The following TBC1D16 variants were observed in gnomAD, a reference collection of about 807,000 sequenced individuals.
The protein encoded by TBC1D16 is TBC1 domain family member 16, also known as CTD-2529O21.1.
In TBC1D16, 58 loss-of-function variants were observed where a neutral mutation model predicts 74.7. The ratio of observed to expected loss-of-function variants is 0.78; its 90% CI spans 0.63 to 0.97. The LOEUF is 0.97. Among genes scored for constraint, TBC1D16 ranks in the 50% least tolerant of loss-of-function variants. The pLI, the probability that TBC1D16 is intolerant of heterozygous loss-of-function variation, is 0.00. For synonymous variants in TBC1D16, 493 were observed against 474.7 expected, an observed-to-expected ratio of 1.04 and a Z score of -0.50; for missense variants, 1,014 against 1,079.5, an observed-to-expected ratio of 0.94 and a Z score of 0.85.
intron 3 of TBC1D16, among the ~76,000 whole-genome samples, chr17:79,970,765 CAG>C (rs1421146580): frequency 6.6e-6 from 1 of 152,168 alleles, no homozygotes; most frequent in African/African-American, 2.4e-5. Flanking sequence ...GAAGAGCTAG[CAG>C]AGAGCCCAGG....
In TBC1D16 at chr17:79,999,274, T is replaced by G. The variant is rs533387807; in HGVS notation, c.779+10886A>C. Among the ~76,000 whole-genome samples the G allele has an allele frequency of 3.3e-4, 50 of 151,312 alleles. No homozygotes were observed. The East Asian group carries it at 9.7e-3, about 29-fold the overall frequency. Reference sequence around the variant, plus strand: ...CTGTCTCAAAAAAAAAAAAAATTAATGGAACACAGCCATGCCAATTAACAT... The same window carrying G: ...CTGTCTCAAAAAAAAAAAAAATTAAGGGAACACAGCCATGCCAATTAACAT... On this transcript the variant is annotated intron_variant, in intron 3 of 11. Coordinates refer to ENST00000310924, the MANE Select transcript of TBC1D16 (RefSeq NM_019020.4).
chr17:79,970,285 G>A (rs1236714211), intron 3 of TBC1D16, among the ~76,000 whole-genome samples: 1 of 152,200 alleles, frequency 6.6e-6, no homozygotes, highest in Non-Finnish European at 1.5e-5. Context: ...GGGAAGGAAG[G>A]GCTGGGCTGT....
At position 80,010,504 on chromosome 17, in the gene TBC1D16, G is replaced by A. The variant is rs368593678; in HGVS notation, c.435C>T (p.Ala145=). The A allele has an allele frequency of 3.2e-5, 52 of 1,610,934 alleles. No individual in the cohort carries two copies. The highest frequency in any genetic ancestry group is 3.1e-5 in the Non-Finnish European group (37 of 1,178,908). ...CGAGCATGCGGTCTGGAACACTCTG[G>A]GCCACCACCAGGATGTCCTCATCTT... is the stretch of plus-strand genomic sequence containing the variant. ...TPKDEDILVV[A]QSVPDRMLAS... The change falls in exon 3 of 12, where the codon GCC becomes GCT. Residue 145 remains alanine (A), a synonymous_variant. Coordinates refer to ENST00000310924, the MANE Select transcript of TBC1D16 (RefSeq NM_019020.4). This position sits in a 1 kb window ranked among gnomAD's most constrained non-coding sequence, Gnocchi z 8.8.
rs1177794785 is a variant in TBC1D16, at chr17:79,949,101, C to T, written c.1407-95G>A. On this transcript the variant is annotated intron_variant, in intron 7 of 11. Coordinates refer to ENST00000310924, the MANE Select transcript of TBC1D16 (RefSeq NM_019020.4). ...GCAGGAAGCCACCCTTCCTCCCAAC[C>T]CCCGTTCCCTGGACGGGAGCTGGGC... 6 of 1,543,196 alleles carry T rather than the reference C, an allele frequency of 3.9e-6. No individual in the cohort carries two copies. In the African/African-American group the frequency reaches 8.1e-5, roughly 21 times the overall value.
At chr17:79,991,710 G>C (rs1399253431) in intron 3 of TBC1D16, among the ~76,000 whole-genome samples, 3 of 148,686 alleles carry the variant, frequency 2.0e-5, no homozygotes, top group African/African-American at 4.9e-5. Context: ...GGGTGGGGCG[G>C]GGCGGGGCGG....
Position 79,941,734 on chromosome 17 carries a change from A to AC in TBC1D16, c.2055+325dup, listed in dbSNP as rs540191725. On this transcript the variant is annotated intron_variant, in intron 11 of 11. Coordinates refer to ENST00000310924, the MANE Select transcript of TBC1D16 (RefSeq NM_019020.4). This position sits in a 1 kb window ranked among gnomAD's most constrained non-coding sequence, Gnocchi z 4.3. ...CCCAGTTCTGGGTTGTAAGCGAGGT[A>AC]CCCCAGGGTAGGGAACCTGTCCTGT... Among the ~76,000 whole-genome samples the AC allele has an allele frequency of 1.4e-4, 21 of 152,264 alleles. No homozygotes were observed. In the South Asian group the frequency reaches 4.4e-3, roughly 32 times the overall value.
In TBC1D16 at chr17:79,936,919, T is replaced by TGC. The variant is rs749971357; in HGVS notation, c.*3939_*3940insGC. The TGC allele has an allele frequency of 3.0e-4, 45 of 150,866 alleles. No homozygotes were observed. Among genetic ancestry groups the TGC allele is most frequent in the Non-Finnish European group, 5.7e-4 (39 of 68,500 alleles). The allele number at this position is 150,866 out of a possible 1,614,324, so 9.3% of individuals were successfully genotyped here. A position where few individuals can be genotyped will look rare whatever the true frequency, so the allele number is the denominator to read the frequency against. On this transcript the variant is annotated 3_prime_UTR_variant, in exon 12 of 12. Coordinates refer to ENST00000310924, the MANE Select transcript of TBC1D16 (RefSeq NM_019020.4). ...GCGTGTGTGCATGTGCGTGTGTGTG[T>TGC]GTGTGTGTGTGTGTGTGTGTGCGCA...
chr17:79,964,601 T>C (rs2033765470), intron 3 of TBC1D16, among the ~76,000 whole-genome samples: 1 of 152,216 alleles, frequency 6.6e-6, no homozygotes, highest in Non-Finnish European at 1.5e-5. Flanking sequence ...GTGTATATTA[T>C]GTCCAAACTG....
rs2035174225 is a variant in TBC1D16, at chr17:79,993,999, T to A, written c.779+16161A>T. On this transcript the variant is annotated intron_variant, in intron 3 of 11. Transcript: ENST00000310924. This position sits in a 1 kb window ranked among gnomAD's most constrained non-coding sequence, Gnocchi z 5.1. Reference sequence around the variant, plus strand: ...TCATTTCCCTGACCTTGGACAGCCCTCCTGATGCAGGGAGCGCCCATCCCT... The same window carrying A: ...TCATTTCCCTGACCTTGGACAGCCCACCTGATGCAGGGAGCGCCCATCCCT... Among the ~76,000 whole-genome samples the A allele has an allele frequency of 6.6e-6, 1 of 152,112 alleles. No homozygotes were observed. The highest frequency in any genetic ancestry group is 6.5e-5 in the Admixed American group (1 of 15,276).
chr17:80,025,572 G>A (rs891645940), intron 1 of TBC1D16, among the ~76,000 whole-genome samples: 1 of 149,018 alleles, frequency 6.7e-6, no homozygotes, highest in Non-Finnish European at 1.5e-5. Flanking sequence ...CCCGCCTGCT[G>A]GGAGCAGCCG....
rs1232969168 is a variant in TBC1D16, at chr17:79,980,456, C to T, written c.780-27638G>A. Among the ~76,000 whole-genome samples, 2 of 152,252 alleles carry T rather than the reference C, an allele frequency of 1.3e-5. No individual in the cohort carries two copies. The highest frequency in any genetic ancestry group is 2.4e-5 in the African/African-American group (1 of 41,538). ...CATGCAGTGGGAGTCTGGGCCGCTA[C>T]GTTGTGGGGTGGTGTAACCAGGGTT... On this transcript the variant is annotated intron_variant, in intron 3 of 11. Coordinates refer to ENST00000310924, the MANE Select transcript of TBC1D16 (RefSeq NM_019020.4). The surrounding 1 kb of genome is among the most constrained non-coding windows in gnomAD (Gnocchi z 7.0).
rs117139626 is a variant in TBC1D16 at position 80,009,742 on chromosome 17, C to G, written c.779+418G>C. 1.3e-5 allele frequency among the ~76,000 whole-genome samples: 2 copies of G among 152,188 alleles called. No individual in the cohort carries two copies. The highest frequency in any genetic ancestry group is 4.1e-4 in the South Asian group (2 of 4,830). On this transcript the variant is annotated intron_variant, in intron 3 of 11. Transcript: ENST00000310924. This position sits in a 1 kb window ranked among gnomAD's most constrained non-coding sequence, Gnocchi z 5.4. ...CATCTGGGCTTGGGCCAGCCCTGTG[C>G]GTGAGCCTAATGATGCCACCCGGGC...
intron 3 of TBC1D16, among the ~76,000 whole-genome samples, chr17:80,006,189 GCT>G (rs960249842): frequency 2.2e-4 from 34 of 151,652 alleles, no homozygotes; most frequent in African/African-American, 7.0e-4. Context: ...GAGCGCTCTC[GCT>G]CTCTCTCGCT....
At position 80,007,053 on chromosome 17, in the gene TBC1D16, G is replaced by A. The variant is rs560782880; in HGVS notation, c.779+3107C>T. Among the ~76,000 whole-genome samples the A allele has an allele frequency of 1.7e-4, 26 of 152,348 alleles. No individual in the cohort carries two copies. The highest frequency in any genetic ancestry group is 6.0e-4 in the African/African-American group (25 of 41,580). On this transcript the variant is annotated intron_variant, in intron 3 of 11. Coordinates refer to ENST00000310924, the MANE Select transcript of TBC1D16 (RefSeq NM_019020.4). The surrounding 1 kb of genome is among the most constrained non-coding windows in gnomAD (Gnocchi z 4.5). Reference sequence around the variant, plus strand: ...ACTCCAGCCTTGCACTGAAGCACACGCTTCTGGCGGGGTGGGGAGAGTCCC... The same window carrying A: ...ACTCCAGCCTTGCACTGAAGCACACACTTCTGGCGGGGTGGGGAGAGTCCC...
At chr17:80,005,998 G>A (rs4889811) in intron 3 of TBC1D16, among the ~76,000 whole-genome samples, 24,576 of 152,020 alleles carry the variant, frequency 0.16, 2,214 homozygotes, top group Non-Finnish European at 0.21. Context: ...GGGGACCCTC[G>A]AGCCAGCCTA....
intron 10 of TBC1D16, among the ~76,000 whole-genome samples, chr17:79,942,684 G>A (rs979893988): frequency 3.9e-5 from 6 of 152,276 alleles, no homozygotes; most frequent in South Asian, 4.1e-4. Flanking sequence ...AGCCACCCAC[G>A]GGTCAGCCTG....
chr17:79,958,798 G>A (rs191185097), intron 3 of TBC1D16, among the ~76,000 whole-genome samples: 1 of 152,192 alleles, frequency 6.6e-6, no homozygotes, highest in East Asian at 1.9e-4. Context: ...ATACTGAATG[G>A]TAAAAGATGG....
chr17:79,952,282 G>A lies in TBC1D16; in HGVS notation c.941+375C>T, dbSNP rs376292495. The stretch of plus-strand genomic sequence containing the variant: ...CACGAAAGGAAGGGAGCCTCCATCC[G>A]GAAAGCTGCGGCCCGTCCCGCACAG... On this transcript the variant is annotated intron_variant, in intron 4 of 11. Coordinates refer to ENST00000310924, the MANE Select transcript of TBC1D16 (RefSeq NM_019020.4). 7.5e-5 allele frequency: 14 copies of A among 185,846 alleles called. No individual in the cohort carries two copies. The East Asian group carries it at 9.3e-4, about 12-fold the overall frequency. 11.5% of individuals were successfully genotyped at this position (185,846 alleles called of 1,614,324 possible).
intron 10 of TBC1D16, chr17:79,943,886 T>C (rs1185577430): frequency 7.1e-7 from 1 of 1,407,892 alleles, no homozygotes; most frequent in Non-Finnish European, 9.2e-7. Context: ...AGGCACGATT[T>C]TTTTTAATTC....
Sources: gnomAD v4.1 joint callset for allele counts (sites outside exome capture counted in the v4.1 genomes callset) on GRCh38, gnomAD v4.1.1 for gene constraint, Gnocchi (gnomAD v3.1) non-coding constraint, MANE v1.5 for transcripts, NCBI Gene and HGNC (gene_info 2026-07-23, HGNC 2026-07-21) for gene names.